Variants in LUC7L2 observed in about 807,000 individuals in gnomAD.
LUC7L2 encodes putative RNA-binding protein Luc7-like 2.
A neutral mutation model predicts 52.8 loss-of-function variants in LUC7L2; 25 were observed. That is an observed-to-expected ratio of 0.47 (90% CI 0.34 to 0.66). The LOEUF is 0.66. Ranked by LOEUF, LUC7L2 falls within the 30% of genes least tolerant of loss-of-function variation. The pLI, the probability that LUC7L2 is intolerant of heterozygous loss-of-function variation, is 0.01. For missense variants in LUC7L2, 328 were observed against 497.8 expected, an observed-to-expected ratio of 0.66 and a Z score of 3.25; for synonymous variants, 144 against 160.9, an observed-to-expected ratio of 0.89 and a Z score of 0.80.
Position 139,402,251 on chromosome 7 carries a change from A to G in LUC7L2, c.366+4A>G. Reference sequence around the variant, plus strand: ...TAGTGCTGAAGTAGCAGCAAAGGTAAGAATTTTAATCATTTCATTAGTACA... The same window carrying G: ...TAGTGCTGAAGTAGCAGCAAAGGTAGGAATTTTAATCATTTCATTAGTACA... On this transcript the variant is annotated splice_donor_region_variant and intron_variant, in intron 4 of 9. Coordinates refer to ENST00000354926, the MANE Select transcript of LUC7L2 (RefSeq NM_016019.5). 1 of 1,587,782 alleles carries G rather than the reference A, an allele frequency of 6.3e-7. No individual in the cohort carries two copies. The highest frequency in any genetic ancestry group is 1.2e-5 in the South Asian group (1 of 85,522).
intron 8 of LUC7L2, chr7:139,416,321 A>G (rs1264438763): frequency 8.6e-5 from 13 of 151,774 alleles, no homozygotes; most frequent in Admixed American, 8.6e-4. Context: ...TGGAGGCTAT[A>G]AAAGTGTCTT....
chr7:139,397,236 T>C (rs1039450276), intron 2 of LUC7L2, among the ~76,000 whole-genome samples: 1 of 152,226 alleles, frequency 6.6e-6, no homozygotes, highest in Non-Finnish European at 1.5e-5. Context: ...ACATTACTTT[T>C]TGCCTTTTCC....
intron 1 of LUC7L2, among the ~76,000 whole-genome samples, chr7:139,340,793 T>A (rs1192620631): frequency 2.0e-5 from 3 of 152,138 alleles, no homozygotes; most frequent in Non-Finnish European, 4.4e-5. Context: ...TTTGTCCTTT[T>A]TTCCCCTTTC....
At chr7:139,392,738 C>T (rs1794496657) in intron 2 of LUC7L2, 1 of 159,704 alleles carries the variant, frequency 6.3e-6, no homozygotes, top group South Asian at 1.6e-4. Context: ...TCACCGCAAC[C>T]TCTGCCCCCC....
At chr7:139,377,235 G>GCT (rs1224781124) in intron 2 of LUC7L2, among the ~76,000 whole-genome samples, 1 of 152,008 alleles carries the variant, frequency 6.6e-6, no homozygotes, top group African/African-American at 2.4e-5. Flanking sequence ...ACAGAGTCTT[G>GCT]CTCTGTCACC....
intron 2 of LUC7L2, among the ~76,000 whole-genome samples, chr7:139,391,887 TG>T (rs1348354306): frequency 6.6e-6 from 1 of 152,126 alleles, no homozygotes; most frequent in African/African-American, 2.4e-5. Flanking sequence ...ACGCCCGGCC[TG>T]GCTTCATTGA....
chr7:139,350,128 CT>C lies in LUC7L2; in HGVS notation c.-26+9622del, dbSNP rs530523374. 7.7e-3 allele frequency among the ~76,000 whole-genome samples: 1,133 copies of C among 147,714 alleles called. 7 individuals are homozygous for C. Among genetic ancestry groups the C allele is most frequent in the Middle Eastern group, 0.014 (4 of 280 alleles). On this transcript the variant is annotated intron_variant, in intron 1 of 10. Transcript: ENST00000541170. ...TACTGATTTTGAGCCTTAACCTTAT[CT>C]TTTTTTTTTTGAGACGGAGTCTCGC...
chr7:139,358,186 T>C (rs548801516), upstream of LUC7L2, among the ~76,000 whole-genome samples: 1 of 151,920 alleles, frequency 6.6e-6, no homozygotes. Context: ...TTTGTATTTT[T>C]AGTAGAGATG....
At chr7:139,348,336 C>T (rs1799336846) in intron 1 of LUC7L2, among the ~76,000 whole-genome samples, 1 of 151,320 alleles carries the variant, frequency 6.6e-6, no homozygotes, top group African/African-American at 2.4e-5. Context: ...CCATGTCTGG[C>T]CATTATTTTT....
chr7:139,362,807 C>G (rs1170010869), intron 1 of LUC7L2, among the ~76,000 whole-genome samples: 1 of 151,740 alleles, frequency 6.6e-6, no homozygotes, highest in Non-Finnish European at 1.5e-5. Flanking sequence ...GTTTCTTCCC[C>G]CTCCCCTTCC....
Position 139,422,286 on chromosome 7 carries a change from T to C in LUC7L2, c.1125T>C (p.Asn375=). The stretch of plus-strand genomic sequence containing the variant: ...AGAAGCGGTCCTATGAGAGTGCTAA[T>C]GGCAGATCAGAAGACAGGAGGAGCT... ...KDKKRSYESA[N]GRSEDRRSSE... is the part of the protein sequence containing the mutation. The change falls in exon 10 of 10, where the codon AAT becomes AAC. Residue 375 remains asparagine (N), a synonymous_variant. Transcript: ENST00000354926. 1 of 1,614,158 alleles carries C rather than the reference T, an allele frequency of 6.2e-7. No individual in the cohort carries two copies. The highest frequency in any genetic ancestry group is 8.5e-7 in the Non-Finnish European group (1 of 1,180,022).
At chr7:139,377,404 T>C (rs1209284091) in intron 2 of LUC7L2, among the ~76,000 whole-genome samples, 1 of 151,604 alleles carries the variant, frequency 6.6e-6, no homozygotes, top group Non-Finnish European at 1.5e-5. Flanking sequence ...TATTTATTTA[T>C]TTTGAGACGG....
At chr7:139,345,865 T>C in intron 1 of LUC7L2, 1 of 792,064 alleles carries the variant, frequency 1.3e-6, no homozygotes, top group Non-Finnish European at 1.8e-6. Context: ...TTACTCTCAG[T>C]GAATTTACTG....
rs1794944120 is a variant in LUC7L2 at position 139,402,156 on chromosome 7, C to T, written c.275C>T (p.Ser92Leu). Residue 92 changes from serine (S) to leucine (L), a missense_variant, in exon 4 of 10, where the codon TCA becomes TTA. Transcript: ENST00000354926. ...FELDAMDHLQ[S>L]FIADCDRRTE... ...TTGTAGGCCATGGATCATCTGCAGTCATTCATTGCAGATTGTGATCGTAGA... is the reference window on the plus strand; with the variant it reads ...TTGTAGGCCATGGATCATCTGCAGTTATTCATTGCAGATTGTGATCGTAGA... 1 of 1,603,160 alleles carries T rather than the reference C, an allele frequency of 6.2e-7. No homozygotes were observed. The highest frequency in any genetic ancestry group is 1.7e-5 in the Admixed American group (1 of 57,210).
chr7:139,346,427 A>G (rs529440273), intron 1 of LUC7L2: 1 of 152,264 alleles, frequency 6.6e-6, no homozygotes, highest in African/African-American at 2.4e-5. Context: ...TTATACATAC[A>G]TATCTCATTT....
At chr7:139,420,284 A>T (rs1169724432) in intron 9 of LUC7L2, among the ~76,000 whole-genome samples, 3 of 151,722 alleles carry the variant, frequency 2.0e-5, no homozygotes, top group African/African-American at 7.3e-5. Context: ...GCTCGTTGCA[A>T]CCTCTGCCTT....
Position 139,392,704 on chromosome 7 carries a change from G to A in LUC7L2, c.157-5895G>A, listed in dbSNP as rs867925425. The stretch of plus-strand genomic sequence containing the variant: ...GAGTTTCGCTCTTGTTGCCCAGGCT[G>A]GAGTGCAATGGTGTGATCTTGGCTC... On this transcript the variant is annotated intron_variant, in intron 2 of 9. Transcript: ENST00000354926. The A allele has an allele frequency of 4.7e-5, 9 of 191,078 alleles. No homozygotes were observed. The Middle Eastern group carries it at 0.011, about 238-fold the overall frequency. The allele number at this position is 191,078 out of a possible 1,614,324, so 11.8% of individuals were successfully genotyped here.
At chr7:139,357,111 CATT>C (rs1005195366), upstream of LUC7L2, among the ~76,000 whole-genome samples, 1 of 151,796 alleles carries the variant, frequency 6.6e-6, no homozygotes, top group African/African-American at 2.4e-5. Flanking sequence ...TAAGGATACA[CATT>C]ATAACTTCTA....
intron 9 of LUC7L2, among the ~76,000 whole-genome samples, chr7:139,419,130 C>CAAAA (rs571694948): frequency 5.7e-5 from 8 of 139,292 alleles, no homozygotes; most frequent in Non-Finnish European, 7.9e-5. Context: ...AAAAAACAAA[C>CAAAA]AAAAAAAAAA....
Sources: allele counts gnomAD v4.1 joint callset (sites outside exome capture counted in the v4.1 genomes callset), GRCh38; gene constraint gnomAD v4.1.1; transcripts MANE v1.5; gene names NCBI Gene and HGNC (gene_info 2026-07-23, HGNC 2026-07-21).